FHIT: variants seen among roughly 807,000 people sequenced by gnomAD.
The protein encoded by FHIT is bis(5'-adenosyl)-triphosphatase.
Under a neutral mutation model 17.9 loss-of-function variants are expected in FHIT, and 19 were observed. The ratio of observed to expected loss-of-function variants is 1.06; its 90% CI spans 0.74 to 1.56. FHIT has a LOEUF of 1.56. FHIT is among the 40% of genes most tolerant of loss of function. The probability of loss-of-function intolerance (pLI) is 0.00; values close to 1 mark genes in which losing one functional copy is unlikely to be tolerated. For synonymous variants in FHIT, 81 were observed against 69.7 expected, an observed-to-expected ratio of 1.16 and a Z score of -0.81; for missense variants, 248 against 189.2, an observed-to-expected ratio of 1.31 and a Z score of -1.82.
chr3:60,276,042 C>T (rs1337885794), intron 5 of FHIT, among the ~76,000 whole-genome samples: 1 of 149,842 alleles, frequency 6.7e-6, no homozygotes. Context: ...GGCTGGAGTG[C>T]AGTGGCATGA....
At chr3:60,278,720 C>T (rs200914594) in intron 5 of FHIT, among the ~76,000 whole-genome samples, 2 of 148,234 alleles carry the variant, frequency 1.3e-5, no homozygotes, top group Non-Finnish European at 1.5e-5. Flanking sequence ...AACCTCATAA[C>T]AAAAAAAAAA....
At chr3:60,048,253 T>C (rs35122656) in intron 5 of FHIT, among the ~76,000 whole-genome samples, 53,535 of 152,114 alleles carry the variant, frequency 0.35, 10,784 homozygotes, top group Middle Eastern at 0.57. Flanking sequence ...CTCAGATCAC[T>C]GCACCTTCTG....
chr3:61,241,660 T>C (rs987497448), intron 1 of FHIT, among the ~76,000 whole-genome samples: 3 of 152,304 alleles, frequency 2.0e-5, no homozygotes, highest in East Asian at 1.9e-4. Flanking sequence ...CTGCAAAATA[T>C]ACTGAATTTT....
At chr3:61,057,586 A>G (rs2034270692) in intron 2 of FHIT, among the ~76,000 whole-genome samples, 1 of 152,206 alleles carries the variant, frequency 6.6e-6, no homozygotes, top group Non-Finnish European at 1.5e-5. Flanking sequence ...TTCTCTGAAC[A>G]CCAAGGAACG....
At chr3:60,727,882 C>A (rs2041949928) in intron 4 of FHIT, among the ~76,000 whole-genome samples, 1 of 152,044 alleles carries the variant, frequency 6.6e-6, no homozygotes, top group Non-Finnish European at 1.5e-5. Context: ...CGGGTGCCTG[C>A]GGTCCCAGCT....
chr3:60,333,932 T>C (rs933741652), intron 5 of FHIT, among the ~76,000 whole-genome samples: 7 of 151,412 alleles, frequency 4.6e-5, no homozygotes, highest in African/African-American at 1.5e-4. Flanking sequence ...TTCTCTCCCT[T>C]ACCCCTCCCT....
At chr3:59,973,869 T>A (rs892428201) in intron 7 of FHIT, among the ~76,000 whole-genome samples, 2 of 152,062 alleles carry the variant, frequency 1.3e-5, no homozygotes, top group Admixed American at 1.3e-4. Flanking sequence ...ACAGGTATAA[T>A]GTTTAAAAGC....
At chr3:60,415,530 A>G (rs939963884) in intron 5 of FHIT, among the ~76,000 whole-genome samples, 11 of 152,168 alleles carry the variant, frequency 7.2e-5, no homozygotes, top group African/African-American at 2.2e-4. Flanking sequence ...ACAGAGTGTA[A>G]TCATATCTTG....
At chr3:60,861,173 C>A (rs1399958293) in intron 3 of FHIT, among the ~76,000 whole-genome samples, 22 of 1,186 alleles carry the variant, frequency 0.019, 5 homozygotes, top group African/African-American at 0.028. Flanking sequence ...ATCATATGTT[C>A]TATGATATAT....
chr3:59,873,928 G>A (rs1398540417), intron 8 of FHIT, among the ~76,000 whole-genome samples: 1 of 152,106 alleles, frequency 6.6e-6, no homozygotes, highest in Non-Finnish European at 1.5e-5. Flanking sequence ...GAAGAGGAAA[G>A]CAACAAATTA....
intron 5 of FHIT, among the ~76,000 whole-genome samples, chr3:60,516,249 AC>A (rs1422749563): frequency 6.6e-6 from 1 of 152,196 alleles, no homozygotes; most frequent in Non-Finnish European, 1.5e-5. Flanking sequence ...AAAATAATAA[AC>A]CCATATGTTA....
rs1553719985 is a variant in FHIT, at chr3:60,761,766, A to AAT, written c.-18+60152_-18+60153insAT. Among the ~76,000 whole-genome samples, 242 of 152,212 alleles carry AAT rather than the reference A, an allele frequency of 1.6e-3. 3 individuals are homozygous for AAT. The highest frequency in any genetic ancestry group is 5.2e-3 in the African/African-American group (217 of 41,518). Reference sequence around the variant, plus strand: ...AGCTAGGACATAATAAATAATTCAAACAAGTTTTGAAAAATCATTTGGCCC... The same window carrying AAT: ...AGCTAGGACATAATAAATAATTCAAAATCAAGTTTTGAAAAATCATTTGGCCC... On this transcript the variant is annotated intron_variant, in intron 4 of 9. Transcript: ENST00000492590.
intron 3 of FHIT, among the ~76,000 whole-genome samples, chr3:60,992,538 A>C (rs2030327034): frequency 6.6e-6 from 1 of 152,208 alleles, no homozygotes; most frequent in Admixed American, 6.5e-5. Context: ...TCCCGTTTCT[A>C]AGTTAAACAG....
intron 4 of FHIT, among the ~76,000 whole-genome samples, chr3:60,758,367 T>A (rs141076727): frequency 1.6e-3 from 250 of 152,328 alleles, no homozygotes; most frequent in African/African-American, 5.9e-3. Flanking sequence ...AATGTATGGA[T>A]GCCATCTGTT....
At chr3:60,661,320 G>A (rs1340896430) in intron 4 of FHIT, among the ~76,000 whole-genome samples, 1 of 152,086 alleles carries the variant, frequency 6.6e-6, no homozygotes, top group East Asian at 1.9e-4. Context: ...TTCCATTCCT[G>A]AGTTACTCTA....
intron 4 of FHIT, among the ~76,000 whole-genome samples, chr3:60,572,504 T>G (rs181952625): frequency 1.3e-5 from 2 of 151,190 alleles, no homozygotes; most frequent in Admixed American, 1.3e-4. Flanking sequence ...ACAGCCAATA[T>G]TTTCAGAAAG....
chr3:59,976,966 T>C (rs1575802604), intron 7 of FHIT, among the ~76,000 whole-genome samples: 1 of 151,988 alleles, frequency 6.6e-6, no homozygotes, highest in Admixed American at 6.6e-5. Context: ...TTAATTGAGA[T>C]GCTGCACACC....
intron 8 of FHIT, among the ~76,000 whole-genome samples, chr3:59,787,481 A>AACACACACACACAC (rs58100812): frequency 1.1e-4 from 15 of 142,400 alleles, no homozygotes; most frequent in African/African-American, 3.7e-4. Context: ...CAAGGGGCAA[A>AACACACACACACAC]ACACACACAC....
chr3:60,878,745 T>A (rs1273084125), intron 3 of FHIT, among the ~76,000 whole-genome samples: 2 of 151,970 alleles, frequency 1.3e-5, no homozygotes, highest in Non-Finnish European at 2.9e-5. Context: ...CGGTGTTTGG[T>A]TTTTTGTCCT....
Sources: gnomAD v4.1 joint callset for allele counts (sites outside exome capture counted in the v4.1 genomes callset) on GRCh38, gnomAD v4.1.1 for gene constraint, MANE v1.5 for transcripts, NCBI Gene and HGNC (gene_info 2026-07-23, HGNC 2026-07-21) for gene names.